Variants in POLA1 observed in about 807,000 individuals in gnomAD.
POLA1 encodes the protein DNA polymerase alpha 1, catalytic subunit.
Under a neutral mutation model 124.0 loss-of-function variants are expected in POLA1, and 15 were observed. The observed-to-expected ratio is 0.12, with a 90% CI of 0.08 to 0.19. The LOEUF (loss-of-function observed/expected upper bound fraction) is 0.19, where lower values mean the gene tolerates loss of function less well. POLA1 is among the 10% of genes least tolerant of loss of function. POLA1 has a pLI of 1.00. For synonymous variants in POLA1, 408 were observed against 389.4 expected (o/e 1.05, Z -0.56); for missense variants, 886 against 1,103.4 (o/e 0.80, Z 2.79).
At chrX:24,946,459 C>A (rs1184872762) in intron 36 of POLA1, among the ~76,000 whole-genome samples, 1 of 111,307 alleles carries the variant, frequency 9.0e-6, no homozygotes, top group Non-Finnish European at 1.9e-5. Context: ...CTCAGATCAC[C>A]CCTTTTTGCC....
rs1319182480 is a variant in POLA1 at position 24,905,208 on chromosome X, C to G, written c.4164+17086C>G. Among the ~76,000 whole-genome samples, 4 of 109,443 alleles carry G rather than the reference C, an allele frequency of 3.7e-5. No individual in the cohort carries two copies. In the East Asian group the frequency reaches 1.1e-3, roughly 31 times the overall value. ...AACTGCAAAAGTTTTGACAGCTGAACTGACATTGGCGACACAGAAAGTGGA... is the reference window on the plus strand; with the variant it reads ...AACTGCAAAAGTTTTGACAGCTGAAGTGACATTGGCGACACAGAAAGTGGA... On this transcript the variant is annotated intron_variant, in intron 35 of 36. Coordinates refer to ENST00000379068, the MANE Select transcript of POLA1 (RefSeq NM_001330360.2).
At chrX:24,820,280 T>C (rs754108823) in intron 30 of POLA1, among the ~76,000 whole-genome samples, 1 of 111,252 alleles carries the variant, frequency 9.0e-6, no homozygotes, top group South Asian at 3.8e-4. Context: ...TCAGTACAGG[T>C]AGTATCGTTA....
intron 34 of POLA1, among the ~76,000 whole-genome samples, chrX:24,851,295 G>A (rs770273900): frequency 8.9e-6 from 1 of 112,545 alleles, no homozygotes; most frequent in South Asian, 3.7e-4. Flanking sequence ...TGTCCTGAGA[G>A]GTTGGTGCTA....
intron 34 of POLA1, among the ~76,000 whole-genome samples, chrX:24,884,442 C>T (rs2047040844): frequency 8.9e-6 from 1 of 112,175 alleles, no homozygotes; most frequent in Non-Finnish European, 1.9e-5. Flanking sequence ...AGTCACCATG[C>T]CCAGCCTATA....
intron 35 of POLA1, among the ~76,000 whole-genome samples, chrX:24,926,353 A>G (rs2047691102): frequency 9.0e-6 from 1 of 111,634 alleles, no homozygotes; most frequent in Non-Finnish European, 1.9e-5. Context: ...GGCCTCTGGG[A>G]TACTAAAAAT....
At chrX:24,730,638 C>T (rs1930848250) in intron 15 of POLA1, among the ~76,000 whole-genome samples, 1 of 112,086 alleles carries the variant, frequency 8.9e-6, no homozygotes, top group Middle Eastern at 4.6e-3. Context: ...TCTTATTATA[C>T]CAGAAAGCAA....
intron 36 of POLA1, among the ~76,000 whole-genome samples, chrX:24,934,745 C>T (rs1308579866): frequency 9.0e-6 from 1 of 111,543 alleles, no homozygotes; most frequent in Non-Finnish European, 1.9e-5. Context: ...TTTTTTGAGA[C>T]GGAGTCTCGC....
chrX:24,888,615 T>TG (rs1238243564), intron 35 of POLA1, among the ~76,000 whole-genome samples: 8 of 98,248 alleles, frequency 8.1e-5, no homozygotes, highest in African/African-American at 3.1e-4. Flanking sequence ...TTTTTTTTTT[T>TG]TTTTTTTTTT....
chrX:24,739,744 A>G (rs936939606), intron 20 of POLA1, among the ~76,000 whole-genome samples, 194 bp downstream of exon 20: 4 of 112,073 alleles, frequency 3.6e-5, no homozygotes, highest in Middle Eastern at 4.3e-3. Context: ...CGTCTCCCTC[A>G]CCTGTGTTAA....
At chrX:24,811,379 T>G (rs763245889) in intron 28 of POLA1, among the ~76,000 whole-genome samples, 1 of 110,306 alleles carries the variant, frequency 9.1e-6, no homozygotes, top group Non-Finnish European at 1.9e-5. Context: ...AACCTCTGAC[T>G]CCCTGCTTCA....
intron 34 of POLA1, among the ~76,000 whole-genome samples, chrX:24,874,008 T>C (rs1341009518): frequency 9.0e-6 from 1 of 111,678 alleles, no homozygotes; most frequent in Non-Finnish European, 1.9e-5. Context: ...GGCTCATATA[T>C]TAAGTAGCAT....
chrX:24,815,184 C>G, intron 30 of POLA1, 73 bp downstream of exon 30: 5 of 923,296 alleles, frequency 5.4e-6, no homozygotes, highest in Non-Finnish European at 7.5e-6. Context: ...GTTGAAGAAC[C>G]ACCTCATCCT....
chrX:24,977,303 T>C (rs1268976107), intron 36 of POLA1, among the ~76,000 whole-genome samples: 1 of 112,699 alleles, frequency 8.9e-6, no homozygotes, highest in Non-Finnish European at 1.9e-5. Flanking sequence ...AATTGATAGT[T>C]AGATACAGAA....
At chrX:24,910,431 T>C (rs1233438695) in intron 35 of POLA1, among the ~76,000 whole-genome samples, 2 of 111,152 alleles carry the variant, frequency 1.8e-5, no homozygotes, top group Middle Eastern at 4.7e-3. Context: ...ACCTAATTTA[T>C]TGAGAGTTTT....
chrX:24,893,875 A>AT lies in POLA1; in HGVS notation c.4164+5763dup, dbSNP rs200481810. ...TAGACAGGTCTTACATTTGGCCTGAATTTTTTTTTTCTGTAGCTCACTCAT... is the reference window on the plus strand; with the variant it reads ...TAGACAGGTCTTACATTTGGCCTGAATTTTTTTTTTTCTGTAGCTCACTCAT... On this transcript the variant is annotated intron_variant, in intron 35 of 36. Coordinates refer to ENST00000379068, the MANE Select transcript of POLA1 (RefSeq NM_001330360.2). Among the ~76,000 whole-genome samples, 238 of 108,962 alleles carry AT rather than the reference A, an allele frequency of 2.2e-3. 2 individuals are homozygous for AT. Among genetic ancestry groups the AT allele is most frequent in the Admixed American group, 4.6e-3 (47 of 10,173 alleles). The allele number at this position is 108,962 out of a possible 115,157, so 94.6% of individuals were successfully genotyped here.
chrX:24,740,867 C>G (rs965550090), intron 20 of POLA1, among the ~76,000 whole-genome samples: 3 of 111,798 alleles, frequency 2.7e-5, no homozygotes, highest in Non-Finnish European at 5.6e-5. Flanking sequence ...CTTAATATTC[C>G]CGTTGCTTAA....
rs759424051 is a variant in POLA1, at chrX:24,817,140, A to G, written c.3429+2029A>G. 2.0e-4 allele frequency among the ~76,000 whole-genome samples: 22 copies of G among 111,952 alleles called. No homozygotes were observed. The South Asian group carries it at 8.3e-3, about 42-fold the overall frequency. The stretch of plus-strand genomic sequence containing the variant: ...CTTTATATTCTCCATATCACTTAGC[A>G]TAGCTGTTGGCAAGTAGTAGTTGTT... On this transcript the variant is annotated intron_variant, in intron 30 of 36. Coordinates refer to ENST00000379068, the MANE Select transcript of POLA1 (RefSeq NM_001330360.2).
At chrX:24,837,356 C>T (rs1200030228) in intron 32 of POLA1, among the ~76,000 whole-genome samples, 1 of 111,523 alleles carries the variant, frequency 9.0e-6, no homozygotes, top group African/African-American at 3.3e-5. Flanking sequence ...AGTATATACT[C>T]TTTTTGTGTG....
chrX:24,714,608 T>C lies in POLA1; in HGVS notation c.401T>C (p.Val134Ala), dbSNP rs775295060. The C allele has an allele frequency of 8.3e-7, 1 of 1,202,624 alleles. No homozygotes were observed. Among genetic ancestry groups the C allele is most frequent in the South Asian group, 1.8e-5 (1 of 55,496 alleles). ...AAGAGGAATGTAAAGAAGCTCGCAG[T>C]GACAAAACCGAACAACATTAAGTCA... ...KDKRNVKKLA[V>A]TKPNNIKSMF... is the part of the protein sequence containing the mutation. Residue 134 changes from valine to alanine, a missense_variant, in exon 5 of 37, where the codon GTG becomes GCG. By Grantham distance (64) the Val-to-Ala change is moderately conservative. Coordinates refer to ENST00000379068, the MANE Select transcript of POLA1 (RefSeq NM_001330360.2).
Sources: allele counts gnomAD v4.1 joint callset (sites outside exome capture counted in the v4.1 genomes callset), GRCh38; gene constraint gnomAD v4.1.1; transcripts MANE v1.5; gene names NCBI Gene and HGNC (gene_info 2026-07-23, HGNC 2026-07-21).